The following FAXC variants were observed in gnomAD, a reference collection of about 807,000 sequenced individuals.
FAXC encodes the protein failed axon connections homolog, metaxin like GST domain containing, also known as failed axon connections homolog.
Under a neutral mutation model 41.9 loss-of-function variants are expected in FAXC, and 10 were observed. The observed-to-expected ratio is 0.24, with a 90% CI of 0.15 to 0.41. The LOEUF (loss-of-function observed/expected upper bound fraction) is 0.41, where lower values mean the gene tolerates loss of function less well. Among genes scored for constraint, FAXC ranks in the 10% least tolerant of loss-of-function variants. FAXC has a pLI of 1.00. For synonymous variants in FAXC, 183 were observed against 183.8 expected, an observed-to-expected ratio of 1.00 and a Z score of 0.03; for missense variants, 399 against 510.9, an observed-to-expected ratio of 0.78 and a Z score of 2.11.
chr6:99,342,818 C>T (rs1435773704), intron 2 of FAXC, 80 bp downstream of exon 2: 21 of 1,401,092 alleles, frequency 1.5e-5, no homozygotes, highest in Admixed American at 6.9e-5. Context: ...CTGTGTGAGA[C>T]GAAATATTCC....
Position 99,275,311 on chromosome 6 carries a change from AATT to A in FAXC, c.*5850_*5852del, listed in dbSNP as rs1419652979. ...TGATGGCCATTAAATTCTTTGCTAA[AATT>A]ATTGTGTACAGAACACCAAAGTACC... On this transcript the variant is annotated 3_prime_UTR_variant, in exon 6 of 6. Coordinates refer to ENST00000389677, the MANE Select transcript of FAXC (RefSeq NM_032511.4). The A allele has an allele frequency of 6.6e-6, 1 of 152,204 alleles. No individual in the cohort carries two copies. The highest frequency in any genetic ancestry group is 1.5e-5 in the Non-Finnish European group (1 of 68,026). The allele number at this position is 152,204 out of a possible 1,614,324, so 9.4% of individuals were successfully genotyped here. A position where few individuals can be genotyped will look rare whatever the true frequency, so the allele number is the denominator to read the frequency against.
At chr6:99,319,094 A>C (rs1046625849) in intron 4 of FAXC, among the ~76,000 whole-genome samples, 1 of 152,174 alleles carries the variant, frequency 6.6e-6, no homozygotes, top group Non-Finnish European at 1.5e-5. Flanking sequence ...ACATAAGAAC[A>C]TGAGGATTAA....
intron 1 of FAXC, among the ~76,000 whole-genome samples, chr6:99,343,509 C>G (rs904164123): frequency 6.6e-6 from 1 of 152,166 alleles, no homozygotes; most frequent in East Asian, 1.9e-4. Flanking sequence ...GAAGTAGGTA[C>G]TACTGTTATC....
chr6:99,292,295 T>G (rs1280101185), intron 4 of FAXC, among the ~76,000 whole-genome samples: 1 of 152,166 alleles, frequency 6.6e-6, no homozygotes. Flanking sequence ...GGTTTGGAGG[T>G]GAGGTTTCCC....
intron 1 of FAXC, among the ~76,000 whole-genome samples, chr6:99,346,574 GT>G (rs922096548): frequency 6.7e-6 from 1 of 149,806 alleles, no homozygotes; most frequent in Non-Finnish European, 1.5e-5. Context: ...GGGTTTTTTT[GT>G]TTGTTTTTTA....
chr6:99,320,006 T>G (rs980737671), intron 4 of FAXC, among the ~76,000 whole-genome samples: 1 of 152,344 alleles, frequency 6.6e-6, no homozygotes, highest in Middle Eastern at 3.4e-3. Context: ...ATTTCTTTCA[T>G]GTTGTACAAC....
intron 3 of FAXC, among the ~76,000 whole-genome samples, chr6:99,331,570 T>C (rs758443306): frequency 5.3e-5 from 8 of 152,216 alleles, no homozygotes; most frequent in Non-Finnish European, 1.2e-4. Flanking sequence ...AAAAACTTTC[T>C]AAGGGGAATA....
At chr6:99,329,511 C>T (rs1037134255) in intron 3 of FAXC, among the ~76,000 whole-genome samples, 2 of 152,156 alleles carry the variant, frequency 1.3e-5, no homozygotes, top group East Asian at 1.9e-4. Flanking sequence ...CATAGGGCTA[C>T]ATCCTTGCTG....
chr6:99,317,116 T>C (rs946379938), intron 4 of FAXC, among the ~76,000 whole-genome samples: 7 of 152,140 alleles, frequency 4.6e-5, no homozygotes, highest in Admixed American at 2.6e-4. Context: ...TGCTGTAGCC[T>C]GGAAAAAAAG....
chr6:99,344,876 TTGTTAATTTG>T (rs1287322737), intron 1 of FAXC, among the ~76,000 whole-genome samples: 1 of 152,200 alleles, frequency 6.6e-6, no homozygotes, highest in Non-Finnish European at 1.5e-5. Flanking sequence ...CTAATTCTAA[TTGTTAATTTG>T]GGCCATGTCA....
chr6:99,289,184 A>G (rs1222420636), intron 5 of FAXC, among the ~76,000 whole-genome samples: 1 of 152,150 alleles, frequency 6.6e-6, no homozygotes. Context: ...AAACCTAAAT[A>G]TTGAACTTTG....
chr6:99,311,178 A>G (rs1024733904), intron 4 of FAXC, among the ~76,000 whole-genome samples: 1 of 152,236 alleles, frequency 6.6e-6, no homozygotes, highest in Non-Finnish European at 1.5e-5. Context: ...CATAAATCAC[A>G]ACCCAACAGA....
chr6:99,289,537 T>TCCCAG (rs1212934126), intron 5 of FAXC, among the ~76,000 whole-genome samples: 1 of 151,970 alleles, frequency 6.6e-6, no homozygotes. Flanking sequence ...ACTCATGAAG[T>TCCCAG]CCCAGCTACT....
At chr6:99,282,345 T>C (rs1746705165) in intron 5 of FAXC, among the ~76,000 whole-genome samples, 1 of 152,206 alleles carries the variant, frequency 6.6e-6, no homozygotes, top group African/African-American at 2.4e-5. Context: ...AAAAAAGTTA[T>C]GTTAGGACAT....
At chr6:99,308,938 A>G (rs78835764) in intron 4 of FAXC, among the ~76,000 whole-genome samples, 4,918 of 152,324 alleles carry the variant, frequency 0.032, 284 homozygotes, top group African/African-American at 0.11. Context: ...ATAATTTGTT[A>G]GGTTGACCAA....
At chr6:99,314,013 G>A (rs552866004) in intron 4 of FAXC, among the ~76,000 whole-genome samples, 2 of 152,204 alleles carry the variant, frequency 1.3e-5, no homozygotes, top group South Asian at 4.1e-4. Context: ...TTTCAGAAAT[G>A]AGGTTTTGCT....
intron 2 of FAXC, among the ~76,000 whole-genome samples, chr6:99,339,031 G>T (rs1283637794): frequency 6.6e-6 from 1 of 152,172 alleles, no homozygotes; most frequent in Non-Finnish European, 1.5e-5. Context: ...GTCAACCATG[G>T]TGTCCCAGCA....
rs1258848229 is a variant in FAXC at position 99,275,720 on chromosome 6, G to T, written c.*5444C>A. 1 of 152,124 alleles carries T rather than the reference G, an allele frequency of 6.6e-6. No homozygotes were observed. The highest frequency in any genetic ancestry group is 1.5e-5 in the Non-Finnish European group (1 of 68,032). 9.4% of individuals were successfully genotyped at this position (152,124 alleles called of 1,614,324 possible). On this transcript the variant is annotated 3_prime_UTR_variant, in exon 6 of 6. Coordinates refer to ENST00000389677, the MANE Select transcript of FAXC (RefSeq NM_032511.4). ...CTGGTTCCAGCAGTCTCATCTCAAA[G>T]ATTAAGGAAACTTAAATATCCTTAA...
rs192678365 is a variant in FAXC at position 99,290,824 on chromosome 6, T to A, written c.940+880A>T. Among the ~76,000 whole-genome samples, 42 of 151,590 alleles carry A rather than the reference T, an allele frequency of 2.8e-4. No homozygotes were observed. The East Asian group carries it at 6.0e-3, about 22-fold the overall frequency. On this transcript the variant is annotated intron_variant, in intron 5 of 5. Transcript: ENST00000389677. ...CTCTACTAGTTTTGCTTTTTTTTTT[T>A]AATTTAAGACGGAGTCTTGCTCTGT...
Sources: gnomAD v4.1 joint callset for allele counts (sites outside exome capture counted in the v4.1 genomes callset) on GRCh38, gnomAD v4.1.1 for gene constraint, MANE v1.5 for transcripts, NCBI Gene and HGNC (gene_info 2026-07-23, HGNC 2026-07-21) for gene names.